MGA: variants seen among roughly 807,000 people sequenced by gnomAD.
MGA encodes MAX dimerization protein MGA.
In MGA, 40 loss-of-function variants were observed where a neutral mutation model predicts 261.1. That is an observed-to-expected ratio of 0.15 (90% CI 0.12 to 0.20). The LOEUF (loss-of-function observed/expected upper bound fraction) is 0.20, where lower values mean the gene tolerates loss of function less well. Ranked by LOEUF, MGA falls within the 10% of genes least tolerant of loss-of-function variation. MGA has a pLI of 1.00. For missense variants in MGA, 3,397 were observed against 3,630.5 expected (o/e 0.94, Z 1.65); for synonymous variants, 1,302 against 1,290.6 (o/e 1.01, Z -0.19).
chr15:41,659,088 C>G (rs1312873586), upstream of MGA, among the ~76,000 whole-genome samples: 1 of 152,082 alleles, frequency 6.6e-6, no homozygotes, highest in Non-Finnish European at 1.5e-5. Flanking sequence ...TAAACTGTTA[C>G]TTTTCAATTT....
intron 19 of MGA, 74 bp downstream of exon 19, chr15:41,757,913 AT>A: frequency 7.9e-7 from 1 of 1,260,790 alleles, no homozygotes; most frequent in Non-Finnish European, 1.1e-6. Flanking sequence ...TTGAAACAAC[AT>A]TAGCTATATT....
chr15:41,703,645 G>A (rs890791500), intron 5 of MGA, among the ~76,000 whole-genome samples: 3 of 152,006 alleles, frequency 2.0e-5, no homozygotes, highest in Admixed American at 1.3e-4. Flanking sequence ...TGGAGGCTGA[G>A]GCAGGAGAAT....
chr15:41,734,559 C>G lies in MGA; in HGVS notation c.3881C>G (p.Thr1294Ser). 6.2e-7 allele frequency: 1 copy of G among 1,608,782 alleles called. No individual in the cohort carries two copies. The highest frequency in any genetic ancestry group is 2.2e-5 in the East Asian group (1 of 44,738). ...GAACAGCAGCCCTTAAAACAACTCA[C>G]CTGTGACTTGGAGGATGATTCTGAT... The change falls in exon 12 of 24, where the codon ACC (threonine) becomes AGC (serine). Residue 1294 changes from threonine (T) to serine (S), a missense_variant. Coordinates refer to ENST00000219905, the MANE Select transcript of MGA (RefSeq NM_001164273.2).
chr15:41,734,539 G>A lies in MGA; in HGVS notation c.3861G>A (p.Gln1287=). 1 of 1,608,814 alleles carries A rather than the reference G, an allele frequency of 6.2e-7. No individual in the cohort carries two copies. Among genetic ancestry groups the A allele is most frequent in the Non-Finnish European group, 8.5e-7 (1 of 1,177,146 alleles). ...TCCTTCAGGAACCTGATTCTGAACA[G>A]CAGCCCTTAAAACAACTCACCTGTG... The change falls in exon 12 of 24, where the codon CAG becomes CAA. Residue 1287 remains glutamine, a synonymous_variant. Coordinates refer to ENST00000219905, the MANE Select transcript of MGA (RefSeq NM_001164273.2).
In MGA at chr15:41,766,607, T is replaced by C. The variant is rs1214039721; in HGVS notation, c.8525T>C (p.Val2842Ala). The C allele has an allele frequency of 1.9e-6, 3 of 1,614,030 alleles. No homozygotes were observed. The highest frequency in any genetic ancestry group is 4.5e-5 in the East Asian group (2 of 44,888). ...AATCAACAACTAAATGATGACTCTG[T>C]TGGCCTGGCTGAACTACCCAGCTCT... The change falls in exon 24 of 24, where the codon GTT becomes GCT. Residue 2842 changes from valine to alanine, a missense_variant. Transcript: ENST00000219905.
At position 41,750,359 on chromosome 15, in the gene MGA, C is replaced by T. The variant is rs2062762969; in HGVS notation, c.6752C>T (p.Ser2251Leu). 6.2e-7 allele frequency: 1 copy of T among 1,613,994 alleles called. No homozygotes were observed. Among genetic ancestry groups the T allele is most frequent in the Non-Finnish European group, 8.5e-7 (1 of 1,179,892 alleles). The change falls in exon 17 of 24, where the codon TCA becomes TTA. Residue 2251 changes from serine to leucine, a missense_variant. Coordinates refer to ENST00000219905, the MANE Select transcript of MGA (RefSeq NM_001164273.2). ...TCTTGGAGTAGGATTTCTAATCCTT[C>T]AGCCTTCTCCATTGTTCCTAGGAGA...
Position 41,768,603 on chromosome 15 carries a change from TTAAA to T in MGA, c.*1327_*1330del, listed in dbSNP as rs942668614. The T allele has an allele frequency of 6.6e-6, 1 of 152,660 alleles. No individual in the cohort carries two copies. The highest frequency in any genetic ancestry group is 1.5e-5 in the Non-Finnish European group (1 of 68,038). 9.5% of individuals were successfully genotyped at this position (152,660 alleles called of 1,614,324 possible). A position where few individuals can be genotyped will look rare whatever the true frequency, so the allele number is the denominator to read the frequency against. ...ATTTAGCTGCTGCATTTTGCCTTTCTTAAATAATTATATTTTGGAATGTAACCCC... is the reference window on the plus strand; with the variant it reads ...ATTTAGCTGCTGCATTTTGCCTTTCTTAATTATATTTTGGAATGTAACCCC... On this transcript the variant is annotated 3_prime_UTR_variant, in exon 24 of 24. Transcript: ENST00000219905.
At position 41,727,436 on chromosome 15, in the gene MGA, A is replaced by G. The variant is rs371996091; in HGVS notation, c.3657+30A>G. ...GTCTGGAATTTAATCTTTTATTACAAGTTACCAAAGTCATGTGTAAAGATG... is the reference window on the plus strand; with the variant it reads ...GTCTGGAATTTAATCTTTTATTACAGGTTACCAAAGTCATGTGTAAAGATG... On this transcript the variant is annotated intron_variant, in intron 10 of 23. Coordinates refer to ENST00000219905, the MANE Select transcript of MGA (RefSeq NM_001164273.2). 670 of 1,580,510 alleles carry G rather than the reference A, an allele frequency of 4.2e-4. No individual in the cohort carries two copies. Among genetic ancestry groups the G allele is most frequent in the African/African-American group, 1.8e-3 (132 of 74,012 alleles).
chr15:41,758,452 T>C (rs1486983680), intron 19 of MGA, among the ~76,000 whole-genome samples: 1 of 152,132 alleles, frequency 6.6e-6, no homozygotes, highest in Non-Finnish European at 1.5e-5. Context: ...TAAAAAATCA[T>C]AGTGCAGTTT....
At chr15:41,692,067 C>T (rs769456459) in intron 2 of MGA, among the ~76,000 whole-genome samples, 1 of 152,124 alleles carries the variant, frequency 6.6e-6, no homozygotes, top group Non-Finnish European at 1.5e-5. Flanking sequence ...TATGTTAGAT[C>T]ATTTTATGTT....
chr15:41,652,046 A>C (rs1165331606), intron 1 of MGA, among the ~76,000 whole-genome samples: 4 of 125,780 alleles, frequency 3.2e-5, no homozygotes, highest in Middle Eastern at 4.7e-3. Flanking sequence ...GCTCACTGCA[A>C]GCTCCTCCTC....
chr15:41,753,008 A>G (rs1460170177), intron 17 of MGA, among the ~76,000 whole-genome samples: 3 of 152,196 alleles, frequency 2.0e-5, no homozygotes, highest in Non-Finnish European at 2.9e-5. Flanking sequence ...TGCACATCTC[A>G]CACCTACGTT....
intron 7 of MGA, among the ~76,000 whole-genome samples, chr15:41,709,871 G>A (rs2060303481): frequency 6.7e-6 from 1 of 150,192 alleles, no homozygotes; most frequent in South Asian, 2.1e-4. Flanking sequence ...TGCCCAGCTG[G>A]AGTGCAGTGG....
At chr15:41,682,540 G>A (rs1291909107) in intron 2 of MGA, among the ~76,000 whole-genome samples, 2 of 152,052 alleles carry the variant, frequency 1.3e-5, no homozygotes. Flanking sequence ...GAGTGCAGTG[G>A]TGTGATCTTG....
intron 2 of MGA, among the ~76,000 whole-genome samples, chr15:41,686,226 T>G (rs1033089933): frequency 6.6e-6 from 1 of 151,420 alleles, no homozygotes; most frequent in African/African-American, 2.4e-5. Flanking sequence ...GAAAATAAAT[T>G]TTGAGGCAGG....
chr15:41,664,275 A>G (rs2057596982), intron 1 of MGA, among the ~76,000 whole-genome samples: 1 of 152,212 alleles, frequency 6.6e-6, no homozygotes, highest in Non-Finnish European at 1.5e-5. Context: ...TTGCTTCGGC[A>G]GAAAGAAAAA....
chr15:41,636,446 C>T (rs1405593337), intron 1 of MGA, among the ~76,000 whole-genome samples: 1 of 149,940 alleles, frequency 6.7e-6, no homozygotes, highest in Admixed American at 6.7e-5. Flanking sequence ...GTGCCTGCCA[C>T]CATGCTTGGC....
intron 11 of MGA, among the ~76,000 whole-genome samples, chr15:41,730,082 TG>T (rs2151719464): frequency 6.6e-6 from 1 of 152,136 alleles, no homozygotes; most frequent in South Asian, 2.1e-4. Flanking sequence ...TTAGCAGAGA[TG>T]GGGTTCCACT....
chr15:41,726,361 A>G lies in MGA; in HGVS notation c.3431-819A>G, dbSNP rs116118428. ...GTGCTTAGCACAGGTGCTTAGAACA[A>G]TGCTTAGAACTATTGAATAATAAGG... On this transcript the variant is annotated intron_variant, in intron 9 of 23. Coordinates refer to ENST00000219905, the MANE Select transcript of MGA (RefSeq NM_001164273.2). 4.8e-3 allele frequency among the ~76,000 whole-genome samples: 728 copies of G among 152,344 alleles called. 6 individuals are homozygous for G. Among genetic ancestry groups the G allele is most frequent in the African/African-American group, 0.017 (690 of 41,582 alleles).
Sources: allele counts gnomAD v4.1 joint callset (sites outside exome capture counted in the v4.1 genomes callset), GRCh38; gene constraint gnomAD v4.1.1; transcripts MANE v1.5; gene names NCBI Gene and HGNC (gene_info 2026-07-23, HGNC 2026-07-21).